Variants in SEC14L5 observed in about 807,000 individuals in gnomAD.
SEC14L5 encodes the protein SEC14 like lipid binding 5.
In SEC14L5, 96 loss-of-function variants were observed where a neutral mutation model predicts 84.6. The ratio of observed to expected loss-of-function variants is 1.13; its 90% CI spans 0.96 to 1.34. The LOEUF (loss-of-function observed/expected upper bound fraction) is 1.34. Among genes scored for constraint, SEC14L5 ranks in the 40% most tolerant of loss-of-function variants. The pLI, the probability that SEC14L5 is intolerant of heterozygous loss-of-function variation, is 0.00. For missense variants in SEC14L5, 1,224 were observed against 942.5 expected, an observed-to-expected ratio of 1.30 and a Z score of -3.91; for synonymous variants, 546 against 383.4, an observed-to-expected ratio of 1.42 and a Z score of -4.95.
intron 3 of SEC14L5, among the ~76,000 whole-genome samples, 191 bp from the exon 4 acceptor site, chr16:4,987,958 G>T (rs1955510888): frequency 6.6e-6 from 1 of 152,096 alleles, no homozygotes; most frequent in African/African-American, 2.4e-5. Context: ...GGAGCTGGGT[G>T]GTGAAGATGG....
intron 15 of SEC14L5, 121 bp from the exon 16 acceptor site, chr16:5,014,738 T>G: frequency 1.5e-6 from 1 of 682,866 alleles, no homozygotes; most frequent in Non-Finnish European, 2.5e-6. Flanking sequence ...CTTTTCCCTT[T>G]GCATCGGCCT....
At chr16:5,004,979 C>T (rs968652888) in intron 11 of SEC14L5, among the ~76,000 whole-genome samples, 1 of 152,186 alleles carries the variant, frequency 6.6e-6, no homozygotes, top group Non-Finnish European at 1.5e-5. Context: ...GGGCCAGACA[C>T]GGAAGTCCAT....
chr16:4,976,347 G>A (rs562086741), intron 2 of SEC14L5, among the ~76,000 whole-genome samples: 1 of 152,328 alleles, frequency 6.6e-6, no homozygotes, highest in East Asian at 1.9e-4. Context: ...GTGCTATGCT[G>A]TTGTTCATTC....
intron 11 of SEC14L5, among the ~76,000 whole-genome samples, 165 bp downstream of exon 11, chr16:5,003,738 C>T (rs1955702361): frequency 6.6e-6 from 1 of 152,196 alleles, no homozygotes; most frequent in Non-Finnish European, 1.5e-5. Context: ...GTATAGACTC[C>T]AGTGGTCTTT....
At position 4,962,163 on chromosome 16, in the gene SEC14L5, C is replaced by T. The variant is rs1378699482; in HGVS notation, c.63+2777C>T. Among the ~76,000 whole-genome samples, 26 of 108,604 alleles carry T rather than the reference C, an allele frequency of 2.4e-4. 1 individual carries two copies. Among genetic ancestry groups the T allele is most frequent in the African/African-American group, 9.0e-4 (25 of 27,818 alleles). 71.2% of individuals were successfully genotyped at this position (108,604 alleles called of 152,430 possible). ...CCTGGGCAACAGAGCGAGACTCTGT[C>T]TCAAAAAAAAAAAAAAAAAGAAAAA... On this transcript the variant is annotated intron_variant, in intron 2 of 15. Transcript: ENST00000251170.
chr16:5,008,605 G>C lies in SEC14L5; in HGVS notation c.1757G>C (p.Arg586Pro), dbSNP rs770274168. ...KGWVLGRDYS[R>P]VEAPLVCREG... ...TGGGTCCTGGGCAGGGATTACAGCC[G>C]TGTGGAGGCTCCCCTTGTCTGCCGG... The change falls in exon 14 of 16, where the codon CGT becomes CCT. Residue 586 changes from arginine (R) to proline (P), a missense_variant. Arg to Pro is a moderately radical substitution (Grantham distance 103, BLOSUM62 -2). Coordinates refer to ENST00000251170, the MANE Select transcript of SEC14L5 (RefSeq NM_014692.2). The C allele has an allele frequency of 1.2e-6, 2 of 1,603,784 alleles. No individual in the cohort carries two copies. Among genetic ancestry groups the C allele is most frequent in the Admixed American group, 3.6e-5 (2 of 56,088 alleles).
In SEC14L5 at chr16:5,005,071, G is replaced by C. The variant is rs150802671; in HGVS notation, c.1303-843G>C. 3.8e-3 allele frequency among the ~76,000 whole-genome samples: 586 copies of C among 152,326 alleles called. 5 individuals are homozygous for C. The highest frequency in any genetic ancestry group is 0.036 in the East Asian group (184 of 5,180). The stretch of plus-strand genomic sequence containing the variant: ...CACGCCTGTAATCCCAGTACTTTGA[G>C]AGGCCGAGGTGGGTGGATCACCTGA... On this transcript the variant is annotated intron_variant, in intron 11 of 15. Coordinates refer to ENST00000251170, the MANE Select transcript of SEC14L5 (RefSeq NM_014692.2).
chr16:4,982,673 G>C (rs35416418), intron 2 of SEC14L5, among the ~76,000 whole-genome samples: 20,166 of 152,238 alleles, frequency 0.13, 2,003 homozygotes, highest in East Asian at 0.53. Flanking sequence ...CAAATCCTGT[G>C]TGAGACACAC....
rs1460514448 is a variant in SEC14L5, at chr16:5,015,597, G to GT, written c.*627_*628insT. 1 of 152,878 alleles carries GT rather than the reference G, an allele frequency of 6.5e-6. No homozygotes were observed. The highest frequency in any genetic ancestry group is 1.5e-5 in the Non-Finnish European group (1 of 68,500). The allele number at this position is 152,878 out of a possible 1,614,324, so 9.5% of individuals were successfully genotyped here. On this transcript the variant is annotated 3_prime_UTR_variant, in exon 16 of 16. Transcript: ENST00000251170. ...CAGCCTGGATCACATGCACATCTCT[G>GT]GAACCAACCACCTGCTCTCAAAAGC...
chr16:4,991,958 G>C lies in SEC14L5; in HGVS notation c.595G>C (p.Asp199His). ...EDARNQAGPRDPSSLEAHGPR... is the reference protein window; with the variant it reads ...EDARNQAGPRHPSSLEAHGPR... ...TGCCCGCAACCAGGCTGGACCGAGG[G>C]ACCCCAGCTCCCTGGAGGCCCACGG... The change falls in exon 6 of 16, where the codon GAC becomes CAC. Residue 199 changes from aspartate (D) to histidine (H), a missense_variant. Transcript: ENST00000251170. The C allele has an allele frequency of 1.3e-6, 2 of 1,595,938 alleles. No homozygotes were observed. The highest frequency in any genetic ancestry group is 1.7e-6 in the Non-Finnish European group (2 of 1,175,184).
At chr16:5,004,129 A>C (rs1955706967) in intron 11 of SEC14L5, among the ~76,000 whole-genome samples, 1 of 151,772 alleles carries the variant, frequency 6.6e-6, no homozygotes, top group Non-Finnish European at 1.5e-5. Flanking sequence ...GGCTGAGCAA[A>C]AAAGAGCAAA....
chr16:4,972,755 T>G (rs2048094), intron 2 of SEC14L5, among the ~76,000 whole-genome samples: 150,673 of 152,336 alleles, frequency 0.99, 74,538 homozygotes, highest in East Asian at 1. Flanking sequence ...CACGTGGGTG[T>G]TTTCCCCCTT....
rs1164819680 is a variant in SEC14L5 at position 4,992,038 on chromosome 16, G to C, written c.667+8G>C. The C allele has an allele frequency of 6.5e-7, 1 of 1,545,940 alleles. No individual in the cohort carries two copies. Among genetic ancestry groups the C allele is most frequent in the South Asian group, 1.2e-5 (1 of 84,438 alleles). On this transcript the variant is annotated splice_region_variant and intron_variant, in intron 6 of 15. Transcript: ENST00000251170. ...AGGCGGTCAGTATGGACGGTAGGTG[G>C]TACAGCCCAGGCCAGTCAGCCCTAG... is the stretch of plus-strand genomic sequence containing the variant.
chr16:5,001,093 G>A lies in SEC14L5; in HGVS notation c.1130+168G>A, dbSNP rs140485108. ...TGAGGCAGGGCCCGTAAGCATCCCC[G>A]TTTTCTATGCATGGGGAAACTGAGA... On this transcript the variant is annotated intron_variant, in intron 10 of 15. Transcript: ENST00000251170. Among the ~76,000 whole-genome samples the A allele has an allele frequency of 5.5e-3, 838 of 152,102 alleles. 11 individuals carry two copies. The highest frequency in any genetic ancestry group is 0.019 in the African/African-American group (788 of 41,486).
chr16:4,974,674 A>C (rs1363768202), intron 2 of SEC14L5, among the ~76,000 whole-genome samples: 3 of 152,092 alleles, frequency 2.0e-5, no homozygotes, highest in African/African-American at 7.2e-5. Context: ...TCACACAAGC[A>C]GTGTACACTG....
At chr16:5,008,840 G>A (rs750530721) in intron 14 of SEC14L5, among the ~76,000 whole-genome samples, 192 bp downstream of exon 14, 4 of 152,206 alleles carry the variant, frequency 2.6e-5, no homozygotes, top group Non-Finnish European at 4.4e-5. Flanking sequence ...AATGGCAGCC[G>A]GTGCAAAATC....
rs547987187 is a variant in SEC14L5, at chr16:5,010,684, C to T, written c.1801-411C>T. ...CTCTTCTTGTAAAAACAAACACTTC[C>T]CTTTCTCACTCTCCCTGATCCCTCC... is the stretch of plus-strand genomic sequence containing the variant. On this transcript the variant is annotated intron_variant, in intron 14 of 15. Coordinates refer to ENST00000251170, the MANE Select transcript of SEC14L5 (RefSeq NM_014692.2). Among the ~76,000 whole-genome samples, 7 of 152,156 alleles carry T rather than the reference C, an allele frequency of 4.6e-5. No homozygotes were observed. The East Asian group carries it at 7.7e-4, about 17-fold the overall frequency.
chr16:4,966,196 G>A (rs1030864619), intron 2 of SEC14L5, among the ~76,000 whole-genome samples: 57 of 151,000 alleles, frequency 3.8e-4, no homozygotes, highest in African/African-American at 1.4e-3. Flanking sequence ...TCAATCTCCT[G>A]ACCTCATAAT....
chr16:4,973,939 C>T (rs1458810328), intron 2 of SEC14L5, among the ~76,000 whole-genome samples: 1 of 152,082 alleles, frequency 6.6e-6, no homozygotes, highest in Non-Finnish European at 1.5e-5. Context: ...CCCCTGAGGC[C>T]TCCCAAAGTG....
Sources: allele counts gnomAD v4.1 joint callset (sites outside exome capture counted in the v4.1 genomes callset), GRCh38; gene constraint gnomAD v4.1.1; transcripts MANE v1.5; gene names NCBI Gene and HGNC (gene_info 2026-07-23, HGNC 2026-07-21).